The following SPHKAP variants were observed in gnomAD, a reference collection of about 807,000 sequenced individuals.
SPHKAP encodes the protein A-kinase anchor protein SPHKAP.
In SPHKAP, 67 loss-of-function variants were observed where a neutral mutation model predicts 137.5. That is an observed-to-expected ratio of 0.49 (90% CI 0.40 to 0.60). The LOEUF is 0.60. Among genes scored for constraint, SPHKAP ranks in the 20% least tolerant of loss-of-function variants. SPHKAP has a pLI of 0.00. For missense variants in SPHKAP, 2,097 were observed against 2,069.3 expected (o/e 1.01, Z -0.26); for synonymous variants, 813 against 785.3 (o/e 1.04, Z -0.59).
At chr2:228,046,954 C>T (rs1559145570) in intron 3 of SPHKAP, among the ~76,000 whole-genome samples, 1 of 152,132 alleles carries the variant, frequency 6.6e-6, no homozygotes, top group Non-Finnish European at 1.5e-5. Context: ...CATTTTCCCA[C>T]TTGAAAGCAG....
intron 11 of SPHKAP, chr2:227,982,376 G>A: frequency 1.0e-6 from 1 of 985,244 alleles, no homozygotes; most frequent in Non-Finnish European, 1.2e-6. Context: ...CTAAAATCAA[G>A]GATCAAGAAA....
At chr2:228,058,215 C>T (rs1696512562) in intron 3 of SPHKAP, among the ~76,000 whole-genome samples, 1 of 152,182 alleles carries the variant, frequency 6.6e-6, no homozygotes, top group South Asian at 2.1e-4. Context: ...CTGCATCTCC[C>T]AGCCTGTCAA....
chr2:228,057,920 G>A (rs1426833629), intron 3 of SPHKAP, among the ~76,000 whole-genome samples: 1 of 152,114 alleles, frequency 6.6e-6, no homozygotes, highest in Non-Finnish European at 1.5e-5. Context: ...GATGAATAGT[G>A]ACATAATCTG....
At chr2:228,043,045 G>A (rs111355041) in intron 3 of SPHKAP, among the ~76,000 whole-genome samples, 68 of 152,158 alleles carry the variant, frequency 4.5e-4, no homozygotes, top group African/African-American at 1.4e-3. Context: ...AATTTAAAAC[G>A]GAAATATAGA....
At chr2:228,023,014 G>C (rs1489702936) in intron 5 of SPHKAP, among the ~76,000 whole-genome samples, 1 of 152,214 alleles carries the variant, frequency 6.6e-6, no homozygotes, top group Admixed American at 6.5e-5. Flanking sequence ...GGGAAAAACA[G>C]TGATAAAGAG....
Position 228,021,772 on chromosome 2 carries a change from T to G in SPHKAP, c.636A>C (p.Glu212Asp), listed in dbSNP as rs188751942. Residue 212 changes from glutamate (E) to aspartate (D), a missense_variant, in exon 6 of 12, where the codon GAA becomes GAC. By Grantham distance (45) the Glu-to-Asp change is conservative. Coordinates refer to ENST00000392056, the MANE Select transcript of SPHKAP (RefSeq NM_001142644.2). ...AGTGCTCAGAAGCGGTGAGAAAGTC[T>G]TCCTCGATTGAAGATAAGGAACAGT... The part of the protein sequence containing the change: ...DTNCSLSSIE[E>D]DFLTASEHLE... The G allele has an allele frequency of 2.5e-6, 4 of 1,614,076 alleles. No individual in the cohort carries two copies. The highest frequency in any genetic ancestry group is 3.4e-6 in the Non-Finnish European group (4 of 1,180,024).
At chr2:228,030,311 T>G (rs1181832222) in intron 3 of SPHKAP, among the ~76,000 whole-genome samples, 3 of 151,822 alleles carry the variant, frequency 2.0e-5, no homozygotes, top group African/African-American at 7.3e-5. Context: ...GTCAAGAGAT[T>G]GAGACTCTCC....
intron 3 of SPHKAP, among the ~76,000 whole-genome samples, chr2:228,061,207 G>T (rs547936664): frequency 6.2e-4 from 95 of 152,168 alleles, no homozygotes; most frequent in Non-Finnish European, 1.1e-3. Context: ...CAGGATCGGG[G>T]ATAAGAACTT....
intron 3 of SPHKAP, among the ~76,000 whole-genome samples, chr2:228,071,774 A>G (rs538998853): frequency 6.6e-6 from 1 of 151,772 alleles, no homozygotes; most frequent in Admixed American, 6.6e-5. Context: ...TATGGTACAT[A>G]TCAAGCAATT....
At chr2:228,119,526 G>A (rs1021762567) in intron 2 of SPHKAP, among the ~76,000 whole-genome samples, 3 of 141,470 alleles carry the variant, frequency 2.1e-5, no homozygotes, top group Admixed American at 7.4e-5. Flanking sequence ...GAGGTTTCAT[G>A]TAATTTTATA....
At chr2:228,014,937 T>C (rs188481490) in intron 7 of SPHKAP, among the ~76,000 whole-genome samples, 145 of 152,308 alleles carry the variant, frequency 9.5e-4, no homozygotes, top group African/African-American at 3.2e-3. Flanking sequence ...ATTATTATCA[T>C]ACTTTAAGTT....
At chr2:228,152,014 A>C (rs1429287673) in intron 1 of SPHKAP, among the ~76,000 whole-genome samples, 2 of 152,136 alleles carry the variant, frequency 1.3e-5, no homozygotes, top group Non-Finnish European at 1.5e-5. Context: ...GGGTATTTTA[A>C]ATTTGTTATC....
intron 3 of SPHKAP, among the ~76,000 whole-genome samples, chr2:228,101,485 C>T (rs774712550): frequency 1.3e-5 from 2 of 152,186 alleles, no homozygotes; most frequent in Non-Finnish European, 2.9e-5. Flanking sequence ...TCCTATACTG[C>T]TGGGCATGTA....
In SPHKAP at chr2:228,019,516, C is replaced by G; in HGVS notation, c.1338G>C (p.Glu446Asp). The change falls in exon 7 of 12, where the codon GAG (glutamate) becomes GAC (aspartate). Residue 446 changes from glutamate (E) to aspartate (D), a missense_variant. Physicochemically the swap from Glu to Asp is conservative, Grantham distance 45 (BLOSUM62 2). Coordinates refer to ENST00000392056, the MANE Select transcript of SPHKAP (RefSeq NM_001142644.2). ...KDTVVSRSWNELPKIVVVQSP... is the reference protein window; with the variant it reads ...KDTVVSRSWNDLPKIVVVQSP... ...TCTGAACAACGACGATTTTGGGGAGCTCATTCCATGACCGAGAAACCACTG... is the reference window on the plus strand; with the variant it reads ...TCTGAACAACGACGATTTTGGGGAGGTCATTCCATGACCGAGAAACCACTG... The G allele has an allele frequency of 6.2e-7, 1 of 1,614,152 alleles. No homozygotes were observed. The highest frequency in any genetic ancestry group is 8.5e-7 in the Non-Finnish European group (1 of 1,180,020).
At chr2:227,983,738 A>G (rs536443492) in intron 11 of SPHKAP, among the ~76,000 whole-genome samples, 3 of 152,240 alleles carry the variant, frequency 2.0e-5, no homozygotes, top group Non-Finnish European at 4.4e-5. Flanking sequence ...CAACAGGCAT[A>G]TCTTGAGGCT....
chr2:227,982,348 A>G, intron 11 of SPHKAP: 2 of 985,144 alleles, frequency 2.0e-6, no homozygotes, highest in Non-Finnish European at 2.4e-6. Context: ...CTGAGAAGCA[A>G]CTCCCTCACC....
intron 7 of SPHKAP, among the ~76,000 whole-genome samples, chr2:228,004,869 G>C (rs1475740664): frequency 3.3e-5 from 5 of 152,166 alleles, no homozygotes; most frequent in Admixed American, 2.6e-4. Flanking sequence ...GATTGGTTTT[G>C]AGTGAGTTTC....
intron 2 of SPHKAP, among the ~76,000 whole-genome samples, chr2:228,128,563 G>A (rs111539739): frequency 1.3e-5 from 2 of 151,964 alleles, no homozygotes. Context: ...CATCTAGGAT[G>A]GTAAATCCTT....
At chr2:228,179,884 T>A (rs1700847837) in intron 1 of SPHKAP, among the ~76,000 whole-genome samples, 1 of 152,176 alleles carries the variant, frequency 6.6e-6, no homozygotes, top group Non-Finnish European at 1.5e-5. Context: ...TATTGGTCTG[T>A]AAAACCGGAT....
Sources: allele counts gnomAD v4.1 joint callset (sites outside exome capture counted in the v4.1 genomes callset), GRCh38; gene constraint gnomAD v4.1.1; transcripts MANE v1.5; gene names NCBI Gene and HGNC (gene_info 2026-07-23, HGNC 2026-07-21).